Variants in THSD7B observed in about 807,000 individuals in gnomAD.
THSD7B encodes the protein thrombospondin type 1 domain containing 7B.
Under a neutral mutation model 213.6 loss-of-function variants are expected in THSD7B, and 138 were observed. That is an observed-to-expected ratio of 0.65 (90% CI 0.56 to 0.74). The LOEUF (loss-of-function observed/expected upper bound fraction) is 0.74, where lower values mean the gene tolerates loss of function less well. THSD7B is among the 30% of genes least tolerant of loss of function. The pLI, the probability that THSD7B is intolerant of heterozygous loss-of-function variation, is 0.00. For synonymous variants in THSD7B, 742 were observed against 687.0 expected, an observed-to-expected ratio of 1.08 and a Z score of -1.25; for missense variants, 1,931 against 1,991.5, an observed-to-expected ratio of 0.97 and a Z score of 0.58.
At chr2:137,317,879 G>A (rs1197749173) in intron 12 of THSD7B, among the ~76,000 whole-genome samples, 1 of 152,126 alleles carries the variant, frequency 6.6e-6, no homozygotes. Flanking sequence ...AGCTATTATA[G>A]CACCACTGCA....
chr2:137,474,831 A>T (rs1435475042), intron 15 of THSD7B, among the ~76,000 whole-genome samples: 1 of 152,206 alleles, frequency 6.6e-6, no homozygotes, highest in Non-Finnish European at 1.5e-5. Context: ...AAAATAATAC[A>T]CAAAAGCCAC....
chr2:136,995,956 GCT>G (rs1685878170), intron 2 of THSD7B, among the ~76,000 whole-genome samples: 1 of 152,152 alleles, frequency 6.6e-6, no homozygotes, highest in African/African-American at 2.4e-5. Flanking sequence ...GATTCTGTCA[GCT>G]CTCACTACTT....
At chr2:137,273,509 C>T (rs561959299) in intron 11 of THSD7B, among the ~76,000 whole-genome samples, 3 of 151,978 alleles carry the variant, frequency 2.0e-5, no homozygotes, top group South Asian at 2.1e-4. Context: ...TAGGTTTTAT[C>T]GGCACACTTA....
chr2:137,341,608 T>C (rs1684762817), intron 12 of THSD7B, among the ~76,000 whole-genome samples: 1 of 151,724 alleles, frequency 6.6e-6, no homozygotes, highest in Admixed American at 6.6e-5. Flanking sequence ...TATGGTCTTA[T>C]GTTTAAGTGT....
chr2:137,190,702 C>G (rs1296276354), intron 7 of THSD7B, among the ~76,000 whole-genome samples: 1 of 152,184 alleles, frequency 6.6e-6, no homozygotes, highest in Admixed American at 6.5e-5. Context: ...AGCACATATG[C>G]ATATCTAACA....
intron 3 of THSD7B, among the ~76,000 whole-genome samples, chr2:137,088,086 A>T (rs1458753168): frequency 6.6e-6 from 1 of 151,888 alleles, no homozygotes; most frequent in Non-Finnish European, 1.5e-5. Context: ...CTAAAATACA[A>T]AAAAGTAGCC....
intron 15 of THSD7B, among the ~76,000 whole-genome samples, chr2:137,470,871 C>G (rs1320492572): frequency 1.3e-5 from 2 of 151,630 alleles, no homozygotes; most frequent in African/African-American, 2.4e-5. Context: ...TCTTCCCTCC[C>G]TCTTCCACCA....
rs144994382 is a variant in THSD7B, at chr2:137,317,592, C to T, written c.2500+41566C>T. 7.2e-5 allele frequency among the ~76,000 whole-genome samples: 11 copies of T among 152,208 alleles called. No individual in the cohort carries two copies. In the East Asian group the frequency reaches 1.2e-3, roughly 16 times the overall value. On this transcript the variant is annotated intron_variant, in intron 12 of 27. Coordinates refer to ENST00000409968, the MANE Select transcript of THSD7B (RefSeq NM_001316349.2). ...AAACCAGTTTTACTAACTCACAAAA[C>T]GTGGGCTTTAAAAAGTATTGATGCT...
chr2:137,014,714 C>T (rs1177397016), intron 2 of THSD7B, among the ~76,000 whole-genome samples: 1 of 152,194 alleles, frequency 6.6e-6, no homozygotes, highest in Non-Finnish European at 1.5e-5. Context: ...ATGAGCTGCT[C>T]TCTCAGTTTA....
At chr2:136,967,674 C>G (rs948462631) in intron 2 of THSD7B, among the ~76,000 whole-genome samples, 1 of 152,186 alleles carries the variant, frequency 6.6e-6, no homozygotes. Flanking sequence ...TCCAACAACT[C>G]AGGTTTAGAA....
intron 14 of THSD7B, among the ~76,000 whole-genome samples, chr2:137,424,758 C>G (rs923466332): frequency 2.0e-5 from 3 of 152,076 alleles, no homozygotes; most frequent in African/African-American, 7.2e-5. Context: ...GTGGACTTAA[C>G]TCACCACAGA....
intron 12 of THSD7B, among the ~76,000 whole-genome samples, chr2:137,316,801 T>C (rs1573957523): frequency 6.7e-6 from 1 of 149,630 alleles, no homozygotes; most frequent in Non-Finnish European, 1.5e-5. Context: ...GGCGACCAGG[T>C]TCTTATGATA....
intron 15 of THSD7B, among the ~76,000 whole-genome samples, chr2:137,540,001 T>C (rs1680581379): frequency 1.3e-5 from 2 of 151,778 alleles, no homozygotes; most frequent in Middle Eastern, 3.4e-3. Context: ...GGTCACACAA[T>C]ATAAAAACTA....
At chr2:137,259,375 A>C (rs1392725028) in intron 10 of THSD7B, among the ~76,000 whole-genome samples, 1 of 152,196 alleles carries the variant, frequency 6.6e-6, no homozygotes, top group Non-Finnish European at 1.5e-5. Flanking sequence ...AATAATTGCC[A>C]TTCTGACTGG....
chr2:137,455,245 C>T (rs769386036), intron 15 of THSD7B, among the ~76,000 whole-genome samples: 5 of 152,094 alleles, frequency 3.3e-5, no homozygotes, highest in African/African-American at 4.8e-5. Flanking sequence ...TGAGTGGTGC[C>T]TAGTTCCACA....
chr2:137,535,920 T>G (rs1680496949), intron 15 of THSD7B, among the ~76,000 whole-genome samples: 1 of 151,008 alleles, frequency 6.6e-6, no homozygotes, highest in African/African-American at 2.4e-5. Context: ...GGAGGAACAG[T>G]AAGAAGGGTG....
intron 15 of THSD7B, chr2:137,479,494 C>A (rs1379398686): frequency 1.2e-5 from 5 of 415,970 alleles, no homozygotes; most frequent in African/African-American, 2.0e-5. Context: ...GTTGGAGCAG[C>A]AGTTGCTGGG....
intron 2 of THSD7B, among the ~76,000 whole-genome samples, chr2:136,929,721 A>G (rs1176667752): frequency 6.6e-6 from 1 of 152,164 alleles, no homozygotes; most frequent in Non-Finnish European, 1.5e-5. Flanking sequence ...GGTGTCCACA[A>G]CTGCAGACTG....
At chr2:137,044,565 T>C (rs1262604016) in intron 2 of THSD7B, among the ~76,000 whole-genome samples, 2 of 152,188 alleles carry the variant, frequency 1.3e-5, no homozygotes, top group East Asian at 1.9e-4. Context: ...GTGCATATTA[T>C]GTTTTTTCCT....
Sources: gnomAD v4.1 joint callset for allele counts (sites outside exome capture counted in the v4.1 genomes callset) on GRCh38, gnomAD v4.1.1 for gene constraint, MANE v1.5 for transcripts, NCBI Gene and HGNC (gene_info 2026-07-23, HGNC 2026-07-21) for gene names.